The following NKAIN2 variants were observed in gnomAD, a reference collection of about 807,000 sequenced individuals.
NKAIN2 encodes the protein sodium/potassium-transporting ATPase subunit beta-1-interacting protein 2.
Under a neutral mutation model 32.6 loss-of-function variants are expected in NKAIN2, and 14 were observed. The ratio of observed to expected loss-of-function variants is 0.43; its 90% confidence interval spans 0.28 to 0.67. NKAIN2 has a LOEUF of 0.67. NKAIN2 is among the 30% of genes least tolerant of loss of function. The pLI is 0.17. For synonymous variants in NKAIN2, 80 were observed against 87.2 expected (o/e 0.92, Z 0.46); for missense variants, 198 against 258.3 (o/e 0.77, Z 1.60).
chr6:123,808,747 AC>A (rs1193666648), intron 1 of NKAIN2, among the ~76,000 whole-genome samples: 2 of 152,188 alleles, frequency 1.3e-5, no homozygotes, highest in Non-Finnish European at 2.9e-5. Flanking sequence ...GTGGGTAATG[AC>A]CCAGAAATGC....
chr6:124,510,034 C>T (rs1332822557), intron 3 of NKAIN2, among the ~76,000 whole-genome samples: 2 of 152,114 alleles, frequency 1.3e-5, no homozygotes, highest in Non-Finnish European at 2.9e-5. Context: ...CTCTTTAACA[C>T]ATGAACAATT....
At chr6:124,020,723 C>T (rs189523679) in intron 1 of NKAIN2, among the ~76,000 whole-genome samples, 62 of 152,152 alleles carry the variant, frequency 4.1e-4, no homozygotes, top group African/African-American at 1.3e-3. Context: ...GAAGCTGATA[C>T]TTGATATGAA....
Position 123,845,892 on chromosome 6 carries a change from A to C in NKAIN2, c.54+41638A>C, listed in dbSNP as rs531026622. Among the ~76,000 whole-genome samples, 106 of 152,322 alleles carry C rather than the reference A, an allele frequency of 7.0e-4. 1 individual carries two copies. The highest frequency in any genetic ancestry group is 2.5e-3 in the African/African-American group (105 of 41,576). ...TAGGAAATTTGAGTTTCTATTATTC[A>C]TCTAACATATATACAAATTACTTCC... On this transcript the variant is annotated intron_variant, in intron 1 of 6. Coordinates refer to ENST00000368417, the MANE Select transcript of NKAIN2 (RefSeq NM_001040214.3).
chr6:123,831,912 G>T (rs541861830), intron 1 of NKAIN2, among the ~76,000 whole-genome samples: 3 of 152,008 alleles, frequency 2.0e-5, no homozygotes, highest in Non-Finnish European at 1.5e-5. Flanking sequence ...CCTCGGCCTT[G>T]CAAAGTGCTG....
chr6:123,858,380 T>G (rs1775647778), intron 1 of NKAIN2, among the ~76,000 whole-genome samples: 1 of 152,180 alleles, frequency 6.6e-6, no homozygotes, highest in South Asian at 2.1e-4. Flanking sequence ...CCTCCCAAAG[T>G]GCTGGGATTA....
At chr6:124,673,982 A>G (rs1773232703) in intron 4 of NKAIN2, among the ~76,000 whole-genome samples, 1 of 151,884 alleles carries the variant, frequency 6.6e-6, no homozygotes, top group Non-Finnish European at 1.5e-5. Flanking sequence ...TTCCACCTAT[A>G]TATCTTCTAG....
At chr6:124,722,902 TCTA>T (rs1273793348) in intron 4 of NKAIN2, among the ~76,000 whole-genome samples, 9 of 152,222 alleles carry the variant, frequency 5.9e-5, no homozygotes, top group South Asian at 2.1e-4. Flanking sequence ...CATTTTTAGA[TCTA>T]CTATTTTAGA....
chr6:124,202,834 T>C (rs1416083821), intron 1 of NKAIN2, among the ~76,000 whole-genome samples: 8 of 151,836 alleles, frequency 5.3e-5, no homozygotes, highest in South Asian at 2.1e-4. Flanking sequence ...GAGGGAGTTA[T>C]ATGTAGGATT....
At chr6:123,888,668 A>G (rs980568324) in intron 1 of NKAIN2, among the ~76,000 whole-genome samples, 1 of 152,106 alleles carries the variant, frequency 6.6e-6, no homozygotes, top group Admixed American at 6.6e-5. Context: ...GCATTTTTTT[A>G]AAAAGCAACT....
chr6:124,312,065 A>C lies in NKAIN2; in HGVS notation c.192+28923A>C, dbSNP rs78725723. 6.3e-3 allele frequency among the ~76,000 whole-genome samples: 962 copies of C among 152,258 alleles called. 9 individuals carry two copies. The highest frequency in any genetic ancestry group is 0.022 in the African/African-American group (918 of 41,566). ...ATAAATAGAGAAAACCTATGCAAAC[A>C]TAAAATCACACACTTTTTATTTGCA... is the stretch of plus-strand genomic sequence containing the variant. On this transcript the variant is annotated intron_variant, in intron 2 of 6. Coordinates refer to ENST00000368417, the MANE Select transcript of NKAIN2 (RefSeq NM_001040214.3).
At chr6:124,696,521 G>T (rs1774506650) in intron 4 of NKAIN2, among the ~76,000 whole-genome samples, 1 of 151,994 alleles carries the variant, frequency 6.6e-6, no homozygotes, top group Admixed American at 6.6e-5. Context: ...CTGTCTACCG[G>T]ACAAAAAATG....
At chr6:124,259,036 A>G (rs1233251398) in intron 1 of NKAIN2, among the ~76,000 whole-genome samples, 1 of 152,190 alleles carries the variant, frequency 6.6e-6, no homozygotes, top group Admixed American at 6.5e-5. Context: ...TCCTGAGCCC[A>G]TCTATATAAA....
intron 3 of NKAIN2, among the ~76,000 whole-genome samples, chr6:124,425,748 A>G (rs1774955403): frequency 6.6e-6 from 1 of 152,130 alleles, no homozygotes; most frequent in African/African-American, 2.4e-5. Flanking sequence ...TTAAAAGCAC[A>G]ATGAGTTATG....
At chr6:124,144,200 A>G (rs565875437) in intron 1 of NKAIN2, among the ~76,000 whole-genome samples, 3 of 152,344 alleles carry the variant, frequency 2.0e-5, no homozygotes, top group Non-Finnish European at 4.4e-5. Context: ...TATGAAAACA[A>G]ATGGCCCAAA....
intron 4 of NKAIN2, among the ~76,000 whole-genome samples, chr6:124,691,438 A>G (rs1039560057): frequency 6.6e-6 from 1 of 152,168 alleles, no homozygotes; most frequent in Non-Finnish European, 1.5e-5. Flanking sequence ...ACTACTGTAC[A>G]AAATTCAAAT....
intron 1 of NKAIN2, among the ~76,000 whole-genome samples, chr6:124,197,410 G>A (rs995435877): frequency 7.9e-5 from 12 of 151,856 alleles, no homozygotes; most frequent in African/African-American, 2.7e-4. Flanking sequence ...CTTCTCTTTG[G>A]AATTCAGGTT....
chr6:124,632,589 T>C (rs1362526193), intron 3 of NKAIN2, among the ~76,000 whole-genome samples: 7 of 152,246 alleles, frequency 4.6e-5, no homozygotes, highest in Admixed American at 3.9e-4. Flanking sequence ...TACTTTTCTT[T>C]GTTTCTTAAC....
intron 3 of NKAIN2, among the ~76,000 whole-genome samples, chr6:124,410,940 CTTCT>C (rs1303091577): frequency 1.2e-4 from 18 of 152,118 alleles, no homozygotes; most frequent in African/African-American, 4.3e-4. Context: ...ATGTAATGGC[CTTCT>C]TTGTCTCTTT....
intron 1 of NKAIN2, among the ~76,000 whole-genome samples, chr6:124,170,995 G>A: frequency 6.6e-6 from 1 of 151,910 alleles, no homozygotes; most frequent in Non-Finnish European, 1.5e-5. Context: ...TAGAATTTTT[G>A]TCACTATCTT....
Sources: gnomAD v4.1 joint callset for allele counts (sites outside exome capture counted in the v4.1 genomes callset) on GRCh38, gnomAD v4.1.1 for gene constraint, MANE v1.5 for transcripts, NCBI Gene and HGNC (gene_info 2026-07-23, HGNC 2026-07-21) for gene names.